CNRIP1: variants seen among roughly 807,000 people sequenced by gnomAD.
The protein encoded by CNRIP1 is CB1 cannabinoid receptor-interacting protein 1.
Under a neutral mutation model 15.2 loss-of-function variants are expected in CNRIP1, and 10 were observed. The ratio of observed to expected loss-of-function variants is 0.66; its 90% CI spans 0.41 to 1.12. The LOEUF (loss-of-function observed/expected upper bound fraction) is 1.12. Among genes scored for constraint, CNRIP1 ranks in the 50% most tolerant of loss-of-function variants. The probability of loss-of-function intolerance (pLI) is 0.00; values close to 1 mark genes in which losing one functional copy is unlikely to be tolerated. For synonymous variants in CNRIP1, 91 were observed against 83.2 expected (o/e 1.09, Z -0.51); for missense variants, 211 against 214.7 (o/e 0.98, Z 0.11).
chr2:68,301,519 G>A (rs1006711047), intron 2 of CNRIP1, among the ~76,000 whole-genome samples: 16 of 152,146 alleles, frequency 1.1e-4, no homozygotes, highest in African/African-American at 3.9e-4. Context: ...GTCTTAGCCA[G>A]TACCTTAAGG....
intron 2 of CNRIP1, among the ~76,000 whole-genome samples, chr2:68,307,404 C>T (rs1558666845): frequency 2.6e-5 from 4 of 152,220 alleles, no homozygotes; most frequent in African/African-American, 7.2e-5. Flanking sequence ...TCACTGCAGC[C>T]TTGAATGCCT....
At chr2:68,314,359 T>A (rs1047158860) in intron 2 of CNRIP1, among the ~76,000 whole-genome samples, 18 of 152,166 alleles carry the variant, frequency 1.2e-4, no homozygotes, top group African/African-American at 4.3e-4. Flanking sequence ...TAATAATACA[T>A]GTTTAAGTAG....
At chr2:68,294,947 C>T (rs913308956) in intron 2 of CNRIP1, among the ~76,000 whole-genome samples, 2 of 152,216 alleles carry the variant, frequency 1.3e-5, no homozygotes, top group Non-Finnish European at 2.9e-5. Context: ...ACACATTTCT[C>T]TTGCAGCTGA....
downstream of CNRIP1, among the ~76,000 whole-genome samples, chr2:68,288,129 G>A (rs1410923927): frequency 6.6e-6 from 1 of 151,860 alleles, no homozygotes; most frequent in Non-Finnish European, 1.5e-5. Context: ...TGTTGAGTCA[G>A]CTCATTTTCC....
chr2:68,305,274 A>ATATGTGTG (rs1178617955), intron 2 of CNRIP1, among the ~76,000 whole-genome samples: 6 of 120,650 alleles, frequency 5.0e-5, no homozygotes, highest in African/African-American at 9.8e-5. Context: ...ATATATATAT[A>ATATGTGTG]TGTGTGTGTG....
Position 68,319,265 on chromosome 2 carries a change from A to C in CNRIP1, c.136T>G (p.Tyr46Asp). 6.5e-7 allele frequency: 1 copy of C among 1,550,364 alleles called. No individual in the cohort carries two copies. Residue 46 changes from tyrosine (Y) to aspartate (D), a missense_variant, in exon 1 of 3, where the codon TAC (tyrosine) becomes GAC (aspartate). Coordinates refer to ENST00000263655, the MANE Select transcript of CNRIP1 (RefSeq NM_015463.3). Reference sequence around the variant, plus strand: ...GGTTTAATCTTCACCTCAACCTTGTAGGAGGAGCCGGTGAGCAGCTTGATG... The same window carrying C: ...GGTTTAATCTTCACCTCAACCTTGTCGGAGGAGCCGGTGAGCAGCTTGATG... Reference protein sequence around the residue: ...RTIKLLTGSSYKVEVKIKPST... With the variant: ...RTIKLLTGSSDKVEVKIKPST...
At chr2:68,290,250 A>T (rs1671134773), downstream of CNRIP1, among the ~76,000 whole-genome samples, 1 of 150,634 alleles carries the variant, frequency 6.6e-6, no homozygotes, top group African/African-American at 2.4e-5. Flanking sequence ...CTGGTCTTGA[A>T]CTCCTGACCT....
intron 1 of CNRIP1, among the ~76,000 whole-genome samples, chr2:68,317,661 T>C (rs1672325240): frequency 6.6e-6 from 1 of 152,186 alleles, no homozygotes; most frequent in African/African-American, 2.4e-5. Flanking sequence ...GTCCTATGAT[T>C]TGGAGTACCT....
chr2:68,305,009 C>T (rs1038968111), intron 2 of CNRIP1, among the ~76,000 whole-genome samples: 6 of 152,014 alleles, frequency 3.9e-5, no homozygotes, highest in African/African-American at 1.4e-4. Context: ...CTTTGCGAAG[C>T]CGAGGGGTGT....
downstream of CNRIP1, among the ~76,000 whole-genome samples, chr2:68,290,876 AC>A (rs768531531): frequency 2.0e-5 from 3 of 152,184 alleles, no homozygotes; most frequent in Non-Finnish European, 4.4e-5. Flanking sequence ...CTATTCTTCC[AC>A]CTGTTCAAAA....
At position 68,293,350 on chromosome 2, in the gene CNRIP1, T is replaced by C; in HGVS notation, c.*512A>G. 2 of 986,592 alleles carry C rather than the reference T, an allele frequency of 2.0e-6. No individual in the cohort carries two copies. The highest frequency in any genetic ancestry group is 2.4e-6 in the Non-Finnish European group (2 of 830,646). 61.1% of individuals were successfully genotyped at this position (986,592 alleles called of 1,614,324 possible). A position where few individuals can be genotyped will look rare whatever the true frequency, so the allele number is the denominator to read the frequency against. ...GTTTATAGGAAGCACAACATTTGAGTCCCATTCACTGCTGTTTGTATTACA... is the reference window on the plus strand; with the variant it reads ...GTTTATAGGAAGCACAACATTTGAGCCCCATTCACTGCTGTTTGTATTACA... On this transcript the variant is annotated 3_prime_UTR_variant, in exon 3 of 3. Coordinates refer to ENST00000263655, the MANE Select transcript of CNRIP1 (RefSeq NM_015463.3).
At chr2:68,295,689 A>G (rs1671327858) in intron 2 of CNRIP1, among the ~76,000 whole-genome samples, 2 of 152,196 alleles carry the variant, frequency 1.3e-5, no homozygotes, top group Admixed American at 1.3e-4. Flanking sequence ...ACAGAATGTA[A>G]CCTACACTGA....
At chr2:68,311,321 A>T (rs1484023350) in intron 2 of CNRIP1, among the ~76,000 whole-genome samples, 1 of 152,170 alleles carries the variant, frequency 6.6e-6, no homozygotes, top group African/African-American at 2.4e-5. Context: ...TTCAAAGCAA[A>T]CAAGGGAAGG....
At chr2:68,307,185 T>C (rs1671886498) in intron 2 of CNRIP1, among the ~76,000 whole-genome samples, 1 of 152,212 alleles carries the variant, frequency 6.6e-6, no homozygotes, top group African/African-American at 2.4e-5. Context: ...TGTTATACAA[T>C]TGTATATATT....
chr2:68,299,948 G>A (rs1461358728), intron 2 of CNRIP1, among the ~76,000 whole-genome samples: 1 of 152,186 alleles, frequency 6.6e-6, no homozygotes, highest in East Asian at 1.9e-4. Context: ...TGGGAGGACA[G>A]AACAATCTTA....
intron 2 of CNRIP1, among the ~76,000 whole-genome samples, chr2:68,314,000 GCT>G (rs952197470): frequency 2.0e-5 from 3 of 152,146 alleles, no homozygotes; most frequent in African/African-American, 7.2e-5. Context: ...TTCCTCAAAT[GCT>G]CTTTCTTTCC....
intron 2 of CNRIP1, among the ~76,000 whole-genome samples, chr2:68,285,188 C>T (rs1386114426): frequency 6.6e-6 from 1 of 151,860 alleles, no homozygotes; most frequent in Non-Finnish European, 1.5e-5. Flanking sequence ...CCTTCCAGGC[C>T]CCTCCCCTCT....
intron 2 of CNRIP1, among the ~76,000 whole-genome samples, chr2:68,310,117 C>G (rs1174002530): frequency 1.3e-5 from 2 of 152,150 alleles, no homozygotes; most frequent in Admixed American, 1.3e-4. Flanking sequence ...CACTTGAGGT[C>G]AGGAGTTCGA....
At chr2:68,317,428 G>T in intron 1 of CNRIP1, 121 bp from the exon 2 acceptor site, 1 of 1,039,478 alleles carries the variant, frequency 9.6e-7, no homozygotes, top group Non-Finnish European at 1.4e-6. Flanking sequence ...ATTGTGGTGC[G>T]GGAGAAAGTT....
Sources: gnomAD v4.1 joint callset for allele counts (sites outside exome capture counted in the v4.1 genomes callset) on GRCh38, gnomAD v4.1.1 for gene constraint, MANE v1.5 for transcripts, NCBI Gene and HGNC (gene_info 2026-07-23, HGNC 2026-07-21) for gene names.